PKD1L3: variants seen among roughly 807,000 people sequenced by gnomAD.
PKD1L3 encodes the protein polycystin 1 like 3, transient receptor potential channel interacting.
Under a neutral mutation model 184.1 loss-of-function variants are expected in PKD1L3, and 239 were observed. That is an observed-to-expected ratio of 1.30 (90% CI 1.17 to 1.45). The LOEUF is 1.45. PKD1L3 is among the 40% of genes most tolerant of loss of function. The pLI is 0.00. For synonymous variants in PKD1L3, 996 were observed against 778.8 expected (o/e 1.28, Z -4.64); for missense variants, 2,660 against 2,067.2 (o/e 1.29, Z -5.56).
intron 16 of PKD1L3, among the ~76,000 whole-genome samples, chr16:71,960,180 C>A (rs1335016903): frequency 1.7e-4 from 26 of 148,876 alleles, no homozygotes; most frequent in South Asian, 4.2e-4. Flanking sequence ...AAAAAAAAAA[C>A]CAAAAAAAAC....
At chr16:71,931,423 G>T (rs2037958768) in intron 28 of PKD1L3, among the ~76,000 whole-genome samples, 1 of 148,624 alleles carries the variant, frequency 6.7e-6, no homozygotes, top group South Asian at 2.1e-4. Context: ...TTTTTTAATT[G>T]CAAGCTTCCC....
chr16:71,945,035 A>G (rs1230379417), intron 22 of PKD1L3, among the ~76,000 whole-genome samples: 1 of 148,670 alleles, frequency 6.7e-6, no homozygotes, highest in Non-Finnish European at 1.5e-5. Context: ...CCTGTTTTTG[A>G]TAATTAGATT....
chr16:71,985,172 T>A (rs529775597), intron 5 of PKD1L3, among the ~76,000 whole-genome samples: 4 of 152,308 alleles, frequency 2.6e-5, no homozygotes, highest in African/African-American at 9.6e-5. Context: ...CTTTTAGATA[T>A]TCTGTACTTC....
chr16:71,996,676 A>G (rs566883886), intron 2 of PKD1L3, among the ~76,000 whole-genome samples: 3 of 152,294 alleles, frequency 2.0e-5, no homozygotes, highest in Admixed American at 2.0e-4. Context: ...AGAATGCTCA[A>G]TAAATGGCAC....
At chr16:71,982,573 C>G in intron 6 of PKD1L3, among the ~76,000 whole-genome samples, 1 of 151,960 alleles carries the variant, frequency 6.6e-6, no homozygotes. Flanking sequence ...GTGTGAGCCA[C>G]CACGCCCAGC....
intron 24 of PKD1L3, 97 bp from the exon 25 acceptor site, chr16:71,937,516 C>G: frequency 7.4e-7 from 1 of 1,348,480 alleles, no homozygotes; most frequent in Non-Finnish European, 1.0e-6. Flanking sequence ...CTTCCTGTAT[C>G]ATCAAATGTT....
At position 71,937,359 on chromosome 16, in the gene PKD1L3, C is replaced by A; in HGVS notation, c.4385G>T (p.Gly1462Val). 1 of 1,551,628 alleles carries A rather than the reference C, an allele frequency of 6.4e-7. No individual in the cohort carries two copies. The highest frequency in any genetic ancestry group is 8.7e-7 in the Non-Finnish European group (1 of 1,146,960). The change falls in exon 25 of 30, where the codon GGC becomes GTC. Residue 1462 changes from glycine to valine, a missense_variant. By Grantham distance (109) the Gly-to-Val change is moderately radical (BLOSUM62 -3). Transcript: ENST00000620267. ...SFTSLQMSKKGCVWSIISQVI... is the reference protein window; with the variant it reads ...SFTSLQMSKKVCVWSIISQVI... ...TTGTGAGATGATAGACCAGACACAG[C>A]CCTTCTTTGACATCTGAAGGGAAGT...
In PKD1L3 at chr16:71,932,679, A is replaced by G. The variant is rs753811825; in HGVS notation, c.4926+741T>C. ...TTTTTATTAGAGATGGGGTTTCACC[A>G]TGTTGGCCAGGCTGGTCTTGAACTC... On this transcript the variant is annotated intron_variant, in intron 28 of 29. Transcript: ENST00000620267. Among the ~76,000 whole-genome samples, 18 of 150,364 alleles carry G rather than the reference A, an allele frequency of 1.2e-4. No individual in the cohort carries two copies. In the East Asian group the frequency reaches 2.9e-3, roughly 25 times the overall value.
chr16:71,943,891 G>A (rs1389234926), intron 23 of PKD1L3, 139 bp downstream of exon 23: 5 of 1,064,276 alleles, frequency 4.7e-6, no homozygotes, highest in Non-Finnish European at 5.3e-6. Context: ...CTGCTTTACT[G>A]GAATCCCAAA....
intron 19 of PKD1L3, among the ~76,000 whole-genome samples, chr16:71,950,757 G>A (rs1567505104): frequency 7.3e-6 from 1 of 136,916 alleles, no homozygotes; most frequent in Non-Finnish European, 1.5e-5. Flanking sequence ...TTTTTGAGAT[G>A]GAGTCTTGGT....
Position 71,933,465 on chromosome 16 carries a change from T to C in PKD1L3, c.4881A>G (p.Ala1627=). 1 of 1,551,616 alleles carries C rather than the reference T, an allele frequency of 6.4e-7. No individual in the cohort carries two copies. The highest frequency in any genetic ancestry group is 8.7e-7 in the Non-Finnish European group (1 of 1,146,818). Residue 1627 remains alanine, a synonymous_variant, in exon 28 of 30, where the codon GCA becomes GCG. Transcript: ENST00000620267. ...ISDYRTFFSS[A]VTVVGLLMGI... is the part of the protein sequence containing the mutation. ...CCATCAGGAGACCAACAACAGTCAC[T>C]GCTGAGCTGAAAAATGTCCGGTAGT...
In PKD1L3 at chr16:71,977,323, T is replaced by C; in HGVS notation, c.1672A>G (p.Thr558Ala). 1 of 1,545,836 alleles carries C rather than the reference T, an allele frequency of 6.5e-7. No individual in the cohort carries two copies. The highest frequency in any genetic ancestry group is 8.8e-7 in the Non-Finnish European group (1 of 1,141,690). ...TGATACTGGAACCCCAGGTAGAGTG[T>C]CATTAAAAGGGGACTGTCAGGATCT... ...SIDPDSPLLM[T>A]LYLGFQYQPN... The change falls in exon 11 of 30, where the codon ACA becomes GCA. Residue 558 changes from threonine (T) to alanine (A), a missense_variant. Thr to Ala is a moderately conservative substitution (Grantham distance 58). Coordinates refer to ENST00000620267, the MANE Select transcript of PKD1L3 (RefSeq NM_181536.2).
rs1047523277 is a variant in PKD1L3 at position 71,979,795 on chromosome 16, A to C, written c.1389T>G (p.Val463=). 20 of 1,501,854 alleles carry C rather than the reference A, an allele frequency of 1.3e-5. No homozygotes were observed. Among genetic ancestry groups the C allele is most frequent in the Non-Finnish European group, 1.8e-5 (20 of 1,129,624 alleles). The allele number at this position is 1,501,854 out of a possible 1,614,324, so 93.0% of individuals were successfully genotyped here. ...LKELLNKHPG[V]NVQITGLAFN... Reference sequence around the variant, plus strand: ...TCAATTTCACACTCACTTGGACATTAACTCCTGGATGTTTATTCAAGAGCT... The same window carrying C: ...TCAATTTCACACTCACTTGGACATTCACTCCTGGATGTTTATTCAAGAGCT... The change falls in exon 9 of 30, where the codon GTT becomes GTG. Residue 463 remains valine, a synonymous_variant. Transcript: ENST00000620267.
intron 28 of PKD1L3, chr16:71,930,972 T>G (rs1312674255): frequency 6.6e-6 from 1 of 152,226 alleles, no homozygotes; most frequent in Non-Finnish European, 1.5e-5. Context: ...TAAAAATGAT[T>G]ATTATAACAA....
chr16:71,944,410 C>A (rs8049508), intron 22 of PKD1L3, among the ~76,000 whole-genome samples: 2 of 152,034 alleles, frequency 1.3e-5, no homozygotes, highest in South Asian at 4.1e-4. Flanking sequence ...CTGAACACAG[C>A]GGCTCATGCC....
At chr16:71,946,181 T>C (rs2038596861) in intron 22 of PKD1L3, among the ~76,000 whole-genome samples, 1 of 152,050 alleles carries the variant, frequency 6.6e-6, no homozygotes, top group Admixed American at 6.6e-5. Context: ...TGGTCACAAA[T>C]GGAAGGCAGT....
At chr16:71,950,089 G>C (rs1033480861) in intron 20 of PKD1L3, 29 bp downstream of exon 20, 11 of 1,548,904 alleles carry the variant, frequency 7.1e-6, no homozygotes, top group Non-Finnish European at 9.6e-6. Flanking sequence ...GATTACAGGG[G>C]ATAAAGAAGG....
In PKD1L3 at chr16:71,947,545, G is replaced by A. The variant is rs1185496289; in HGVS notation, c.3665C>T (p.Pro1222Leu). 5.8e-6 allele frequency: 9 copies of A among 1,548,048 alleles called. No individual in the cohort carries two copies. In the East Asian group the frequency reaches 2.2e-4, roughly 38 times the overall value. ...FLYSLMMSRM[P>L]RLNKENEQQT... ...TTGTTCATTCTCTTTGTTAAGCCGTGGCATCCTGCTCATCATCAGTGAGTA... is the reference window on the plus strand; with the variant it reads ...TTGTTCATTCTCTTTGTTAAGCCGTAGCATCCTGCTCATCATCAGTGAGTA... Residue 1222 changes from proline to leucine, a missense_variant, in exon 22 of 30, where the codon CCA (proline) becomes CTA (leucine). By Grantham distance (98) the Pro-to-Leu change is moderately conservative. Transcript: ENST00000620267.
Position 71,973,327 on chromosome 16 carries a change from G to T in PKD1L3, c.1950C>A (p.Cys650Ter). The change falls in exon 12 of 30, where the codon TGC becomes TGA. Residue 650 changes from cysteine to a stop codon, truncating the protein, a stop_gained. Coordinates refer to ENST00000620267, the MANE Select transcript of PKD1L3 (RefSeq NM_181536.2). LOFTEE classifies it high-confidence loss of function. ...AAGAAGCGGCTCAGTTTCTTACTTGGCATCCGGCGCTGCTCCATGTCTGGT... is the reference window on the plus strand; with the variant it reads ...AAGAAGCGGCTCAGTTTCTTACTTGTCATCCGGCGCTGCTCCATGTCTGGT... The part of the protein sequence containing the change: ...IHNQTWSSAG[C>*]QVGPQSTILR... 1 of 1,551,464 alleles carries T rather than the reference G, an allele frequency of 6.4e-7. No individual in the cohort carries two copies. The highest frequency in any genetic ancestry group is 8.7e-7 in the Non-Finnish European group (1 of 1,146,944).
Sources: allele counts gnomAD v4.1 joint callset (sites outside exome capture counted in the v4.1 genomes callset), GRCh38; gene constraint gnomAD v4.1.1; transcripts MANE v1.5; gene names NCBI Gene and HGNC (gene_info 2026-07-23, HGNC 2026-07-21).